Variants in MDGA2 observed in about 807,000 individuals in gnomAD.
MDGA2 encodes MAM domain-containing glycosylphosphatidylinositol anchor protein 2.
A neutral mutation model predicts 117.8 loss-of-function variants in MDGA2; 40 were observed. That is an observed-to-expected ratio of 0.34 (90% confidence interval 0.26 to 0.44). The LOEUF is 0.44. Ranked by LOEUF, MDGA2 falls within the 20% of genes least tolerant of loss-of-function variation. The pLI, the probability that MDGA2 is intolerant of heterozygous loss-of-function variation, is 1.00. For synonymous variants in MDGA2, 452 were observed against 439.0 expected, an observed-to-expected ratio of 1.03 and a Z score of -0.37; for missense variants, 1,123 against 1,250.6, an observed-to-expected ratio of 0.90 and a Z score of 1.54.
chr14:47,007,551 A>C (rs1887754945), intron 8 of MDGA2, among the ~76,000 whole-genome samples: 2 of 151,834 alleles, frequency 1.3e-5, no homozygotes, highest in Admixed American at 6.6e-5. Flanking sequence ...CAGATAACTA[A>C]ATGAAGACAC....
At chr14:47,046,000 TTGTGGGG>T in intron 7 of MDGA2, among the ~76,000 whole-genome samples, 1 of 145,552 alleles carries the variant, frequency 6.9e-6, no homozygotes, top group South Asian at 2.3e-4. Flanking sequence ...CCGGGGACTG[TTGTGGGG>T]TGTGGGGAGG....
intron 1 of MDGA2, among the ~76,000 whole-genome samples, chr14:47,456,134 A>G (rs1156653446): frequency 6.6e-6 from 1 of 152,204 alleles, no homozygotes; most frequent in African/African-American, 2.4e-5. Context: ...TGAAAGAAGG[A>G]AAGGAGGGAA....
chr14:47,183,196 C>T (rs1015294266), intron 3 of MDGA2, among the ~76,000 whole-genome samples: 7 of 152,120 alleles, frequency 4.6e-5, no homozygotes, highest in Non-Finnish European at 1.0e-4. Flanking sequence ...GAGACATCTA[C>T]ATCAGCCTTG....
intron 1 of MDGA2, among the ~76,000 whole-genome samples, chr14:47,319,675 T>C (rs1889920886): frequency 1.3e-5 from 2 of 152,180 alleles, no homozygotes; most frequent in African/African-American, 4.8e-5. Flanking sequence ...GGGAAGAAAG[T>C]ACACTATGCT....
At chr14:47,485,155 T>C (rs1211593378) in intron 1 of MDGA2, among the ~76,000 whole-genome samples, 1 of 152,114 alleles carries the variant, frequency 6.6e-6, no homozygotes, top group Admixed American at 6.6e-5. Flanking sequence ...ACTTGTTGAA[T>C]GGCTTTGAGA....
intron 14 of MDGA2, among the ~76,000 whole-genome samples, chr14:46,863,739 C>A (rs941557779): frequency 6.6e-6 from 1 of 151,960 alleles, no homozygotes; most frequent in African/African-American, 2.4e-5. Context: ...GATTTTATTA[C>A]ATACATTGTC....
At chr14:46,872,217 T>C (rs1261684442) in intron 14 of MDGA2, among the ~76,000 whole-genome samples, 1 of 151,958 alleles carries the variant, frequency 6.6e-6, no homozygotes, top group East Asian at 1.9e-4. Context: ...TTAAATAATA[T>C]GGTGGCTGAT....
At chr14:47,081,531 A>G (rs1376863929) in intron 6 of MDGA2, among the ~76,000 whole-genome samples, 1 of 152,092 alleles carries the variant, frequency 6.6e-6, no homozygotes, top group Non-Finnish European at 1.5e-5. Context: ...ATTTAGACAC[A>G]TGTGCTTTTA....
chr14:47,639,209 A>C (rs1439074126), intron 1 of MDGA2, among the ~76,000 whole-genome samples: 2 of 152,192 alleles, frequency 1.3e-5, no homozygotes, highest in Admixed American at 6.5e-5. Flanking sequence ...ATAGATATAA[A>C]TTTGTTGTCT....
At chr14:46,974,953 T>G (rs529294063) in intron 8 of MDGA2, among the ~76,000 whole-genome samples, 1 of 152,132 alleles carries the variant, frequency 6.6e-6, no homozygotes, top group South Asian at 2.1e-4. Context: ...AACTCAGATT[T>G]ATGATAAGCA....
intron 1 of MDGA2, among the ~76,000 whole-genome samples, chr14:47,627,993 T>C (rs998055385): frequency 2.6e-5 from 4 of 152,178 alleles, no homozygotes; most frequent in Non-Finnish European, 5.9e-5. Context: ...GCTTCATTCT[T>C]GAAGTCAGTG....
Position 47,059,341 on chromosome 14 carries a change from G to T in MDGA2, c.1525+1908C>A, listed in dbSNP as rs1282536917. The T allele has an allele frequency of 3.9e-6, 5 of 1,273,538 alleles. No individual in the cohort carries two copies. The South Asian group carries it at 6.2e-5, about 16-fold the overall frequency. 78.9% of individuals were successfully genotyped at this position (1,273,538 alleles called of 1,614,324 possible). ...GGTACTTTCCAGGGGTAGTGTTTTG[G>T]AAGAAGTCAATATATTTCTTTTATC... is the stretch of plus-strand genomic sequence containing the variant. On this transcript the variant is annotated intron_variant, in intron 7 of 16. Transcript: ENST00000399232.
intron 3 of MDGA2, among the ~76,000 whole-genome samples, chr14:47,188,304 G>A (rs1477328073): frequency 1.3e-5 from 2 of 152,182 alleles, no homozygotes; most frequent in Non-Finnish European, 2.9e-5. Context: ...AAGCAGTGTG[G>A]CTTCCTTCTT....
chr14:47,234,049 C>A (rs1254230266), intron 2 of MDGA2, among the ~76,000 whole-genome samples: 1 of 151,986 alleles, frequency 6.6e-6, no homozygotes, highest in African/African-American at 2.4e-5. Context: ...AGCAAAATAT[C>A]TTTTTTAAAT....
intron 16 of MDGA2, among the ~76,000 whole-genome samples, chr14:46,843,318 T>C (rs191499526): frequency 6.6e-6 from 1 of 152,248 alleles, no homozygotes; most frequent in Admixed American, 6.5e-5. Flanking sequence ...TAATTCAATT[T>C]ATTGAATTTA....
chr14:47,507,531 C>G (rs983818800), intron 1 of MDGA2, among the ~76,000 whole-genome samples: 35 of 152,102 alleles, frequency 2.3e-4, no homozygotes, highest in Admixed American at 2.0e-4. Context: ...TTGATCCTAA[C>G]TAAAAAAGAG....
chr14:47,093,240 C>A (rs1879769978), intron 6 of MDGA2, among the ~76,000 whole-genome samples: 1 of 151,952 alleles, frequency 6.6e-6, no homozygotes, highest in Non-Finnish European at 1.5e-5. Flanking sequence ...TATTTTGGAC[C>A]ATGCATCCAA....
intron 1 of MDGA2, among the ~76,000 whole-genome samples, chr14:47,496,845 G>A (rs1432682431): frequency 6.6e-6 from 1 of 151,894 alleles, no homozygotes; most frequent in African/African-American, 2.4e-5. Flanking sequence ...TGGCAACAGG[G>A]ACTAGTTTTC....
chr14:47,268,238 A>G (rs1470541789), intron 2 of MDGA2, among the ~76,000 whole-genome samples: 1 of 151,860 alleles, frequency 6.6e-6, no homozygotes, highest in Non-Finnish European at 1.5e-5. Flanking sequence ...GCACCTGGCT[A>G]ATTTTTTTGT....
Sources: allele counts gnomAD v4.1 joint callset (sites outside exome capture counted in the v4.1 genomes callset), GRCh38; gene constraint gnomAD v4.1.1; transcripts MANE v1.5; gene names NCBI Gene and HGNC (gene_info 2026-07-23, HGNC 2026-07-21).